BDP1: variants seen among roughly 807,000 people sequenced by gnomAD.
BDP1 encodes BDP1 general transcription factor IIIB subunit.
Under a neutral mutation model 266.6 loss-of-function variants are expected in BDP1, and 169 were observed. The observed-to-expected ratio is 0.63, with a 90% CI of 0.56 to 0.72. The LOEUF (loss-of-function observed/expected upper bound fraction) is 0.72, where lower values mean the gene tolerates loss of function less well. BDP1 is among the 30% of genes least tolerant of loss of function. The probability of loss-of-function intolerance (pLI) is 0.00; values close to 1 mark genes in which losing one functional copy is unlikely to be tolerated. For synonymous variants in BDP1, 1,090 were observed against 1,022.4 expected, an observed-to-expected ratio of 1.07 and a Z score of -1.26; for missense variants, 3,015 against 3,053.8, an observed-to-expected ratio of 0.99 and a Z score of 0.30.
chr5:71,520,442 C>A lies in BDP1; in HGVS notation c.4992-1847C>A, dbSNP rs1049850239. 2.6e-5 allele frequency among the ~76,000 whole-genome samples: 4 copies of A among 152,150 alleles called. No homozygotes were observed. In the South Asian group the frequency reaches 8.3e-4, roughly 32 times the overall value. ...ACTAAAATGCATTAGACTTATATTA[C>A]AAATGCTATATTGGATTAGGTTGAT... On this transcript the variant is annotated intron_variant, in intron 22 of 38. Coordinates refer to ENST00000358731, the MANE Select transcript of BDP1 (RefSeq NM_018429.3).
At chr5:71,481,131 G>T (rs546992482) in intron 7 of BDP1, among the ~76,000 whole-genome samples, 1 of 151,208 alleles carries the variant, frequency 6.6e-6, no homozygotes, top group African/African-American at 2.4e-5. Flanking sequence ...CTGAGATCGC[G>T]CCACTGCGCT....
chr5:71,480,804 T>C (rs957573022), intron 7 of BDP1, among the ~76,000 whole-genome samples: 1 of 152,100 alleles, frequency 6.6e-6, no homozygotes, highest in African/African-American at 2.4e-5. Context: ...CCTCAAGTGA[T>C]CCACTCACCT....
chr5:71,493,997 C>T (rs1231632245), intron 11 of BDP1, among the ~76,000 whole-genome samples: 1 of 152,112 alleles, frequency 6.6e-6, no homozygotes, highest in Non-Finnish European at 1.5e-5. Flanking sequence ...AGAAAAATAT[C>T]TTTGTAATGT....
the BDP1 span, among the ~76,000 whole-genome samples, chr5:71,574,199 G>T: frequency 0.44 from 67,116 of 151,626 alleles, 15,198 homozygotes; most frequent in South Asian, 0.55. Context: ...GGAAAAACTG[G>T]ACATTTAAAA....
intron 26 of BDP1, 21 bp from the exon 27 acceptor site, chr5:71,539,021 A>T: frequency 6.5e-7 from 1 of 1,534,888 alleles, no homozygotes; most frequent in Non-Finnish European, 9.0e-7. Context: ...TTAAGATGTT[A>T]CTTATTTTTT....
intron 7 of BDP1, among the ~76,000 whole-genome samples, chr5:71,479,991 C>T (rs1228966594): frequency 1.3e-5 from 2 of 151,956 alleles, no homozygotes; most frequent in Non-Finnish European, 1.5e-5. Flanking sequence ...GTCACCCAGT[C>T]TAGAGTATAG....
chr5:71,465,657 T>G (rs918427452), intron 4 of BDP1, among the ~76,000 whole-genome samples: 2 of 151,686 alleles, frequency 1.3e-5, no homozygotes, highest in South Asian at 2.1e-4. Context: ...CTGAGGCGGG[T>G]GGATCACGAG....
intron 4 of BDP1, among the ~76,000 whole-genome samples, 192 bp from the exon 5 acceptor site, chr5:71,465,904 T>G (rs1056577077): frequency 1.3e-5 from 2 of 152,096 alleles, no homozygotes; most frequent in South Asian, 4.1e-4. Flanking sequence ...GACTTCTTAC[T>G]AAATGTCTCG....
intron 16 of BDP1, 80 bp downstream of exon 16, chr5:71,504,831 C>T: frequency 1.5e-6 from 2 of 1,342,632 alleles, no homozygotes; most frequent in South Asian, 1.2e-5. Context: ...AAAGCAGAAG[C>T]AATTTAGATG....
intron 12 of BDP1, among the ~76,000 whole-genome samples, chr5:71,496,783 A>G (rs1228284853): frequency 6.6e-6 from 1 of 152,124 alleles, no homozygotes; most frequent in East Asian, 1.9e-4. Flanking sequence ...GGGTTTCACC[A>G]TGTTTGCCAG....
At chr5:71,531,177 A>G (rs2150533546) in intron 25 of BDP1, among the ~76,000 whole-genome samples, 1 of 152,288 alleles carries the variant, frequency 6.6e-6, no homozygotes, top group South Asian at 2.1e-4. Context: ...TTTTCTGTTA[A>G]TAAGAGAATA....
intron 7 of BDP1, among the ~76,000 whole-genome samples, chr5:71,483,241 T>G (rs1471596777): frequency 1.3e-5 from 2 of 152,192 alleles, no homozygotes; most frequent in Non-Finnish European, 2.9e-5. Flanking sequence ...GACACAAACT[T>G]ATGCCCTCAG....
intron 17 of BDP1, among the ~76,000 whole-genome samples, chr5:71,511,757 G>A (rs1221483350): frequency 6.6e-6 from 1 of 152,072 alleles, no homozygotes; most frequent in African/African-American, 2.4e-5. Flanking sequence ...GCTTAGGTTT[G>A]AGATCTCAAA....
intron 8 of BDP1, among the ~76,000 whole-genome samples, chr5:71,485,584 C>T (rs968626009): frequency 6.6e-6 from 1 of 152,018 alleles, no homozygotes; most frequent in East Asian, 1.9e-4. Flanking sequence ...GTAATCAAAC[C>T]AGTCTTTGGC....
intron 25 of BDP1, 80 bp from the exon 26 acceptor site, chr5:71,532,228 A>T (rs948526664): frequency 9.7e-5 from 119 of 1,232,632 alleles, no homozygotes; most frequent in Non-Finnish European, 9.8e-5. Flanking sequence ...GTTTCATCTT[A>T]CTTATTCATG....
chr5:71,497,384 G>A lies in BDP1; in HGVS notation c.1914G>A (p.Glu638=). The A allele has an allele frequency of 1.2e-6, 2 of 1,613,500 alleles. No individual in the cohort carries two copies. The highest frequency in any genetic ancestry group is 1.7e-6 in the Non-Finnish European group (2 of 1,179,810). Residue 638 remains glutamate (E), a synonymous_variant, in exon 13 of 39, where the codon GAG becomes GAA. Coordinates refer to ENST00000358731, the MANE Select transcript of BDP1 (RefSeq NM_018429.3). ...CAGTTCTTTCACAAGGCAAAACAGAGTCAGAGAGCAAGAATTCACATTCAA... is the reference window on the plus strand; with the variant it reads ...CAGTTCTTTCACAAGGCAAAACAGAATCAGAGAGCAAGAATTCACATTCAA... ...KKSVLSQGKT[E]SESKNSHSKT... is the part of the protein sequence containing the mutation.
At chr5:71,499,976 T>G (rs1194456792) in intron 13 of BDP1, among the ~76,000 whole-genome samples, 1 of 152,172 alleles carries the variant, frequency 6.6e-6, no homozygotes, top group Non-Finnish European at 1.5e-5. Context: ...TTCTGGTATG[T>G]CTGAGTCTCC....
At chr5:71,557,763 C>T (rs1285684059) in intron 36 of BDP1, among the ~76,000 whole-genome samples, 3 of 152,080 alleles carry the variant, frequency 2.0e-5, no homozygotes, top group East Asian at 3.9e-4. Context: ...GTCTTGAACT[C>T]CTGGCTTCAA....
intron 7 of BDP1, among the ~76,000 whole-genome samples, chr5:71,481,485 A>G (rs1580030871): frequency 6.7e-6 from 1 of 150,284 alleles, no homozygotes; most frequent in East Asian, 2.0e-4. Context: ...TGAGCCTGGG[A>G]GATCAAGGCT....
Sources: allele counts gnomAD v4.1 joint callset (sites outside exome capture counted in the v4.1 genomes callset), GRCh38; gene constraint gnomAD v4.1.1; transcripts MANE v1.5; gene names NCBI Gene and HGNC (gene_info 2026-07-23, HGNC 2026-07-21).